ANK3: variants seen among roughly 807,000 people sequenced by gnomAD.
ANK3 encodes ankyrin-3.
A neutral mutation model predicts 370.9 loss-of-function variants in ANK3; 57 were observed. The observed-to-expected ratio is 0.15, with a 90% CI of 0.12 to 0.19. The LOEUF (loss-of-function observed/expected upper bound fraction) is 0.19, where lower values mean the gene tolerates loss of function less well. ANK3 is among the 10% of genes least tolerant of loss of function. ANK3 has a pLI of 1.00. For synonymous variants in ANK3, 1,929 were observed against 1,946.3 expected, an observed-to-expected ratio of 0.99 and a Z score of 0.23; for missense variants, 4,439 against 5,302.1, an observed-to-expected ratio of 0.84 and a Z score of 5.06.
intron 1 of ANK3, among the ~76,000 whole-genome samples, chr10:60,674,019 C>T (rs1269843048): frequency 6.6e-6 from 1 of 152,104 alleles, no homozygotes; most frequent in African/African-American, 2.4e-5. Flanking sequence ...TGGGCCAAAG[C>T]CTACTGGAGC....
At chr10:60,331,078 G>C (rs765845033) in intron 1 of ANK3, among the ~76,000 whole-genome samples, 2 of 151,896 alleles carry the variant, frequency 1.3e-5, no homozygotes, top group African/African-American at 4.8e-5. Flanking sequence ...GAGAAAACAC[G>C]GGCACAGGGA....
At chr10:60,288,658 G>C (rs567178125) in intron 1 of ANK3, among the ~76,000 whole-genome samples, 2 of 152,158 alleles carry the variant, frequency 1.3e-5, no homozygotes, top group Non-Finnish European at 2.9e-5. Context: ...GGGAGTAGGC[G>C]AAAAGGACAG....
intron 1 of ANK3, among the ~76,000 whole-genome samples, chr10:60,657,647 A>G (rs560255532): frequency 6.6e-6 from 1 of 152,248 alleles, no homozygotes; most frequent in African/African-American, 2.4e-5. Context: ...TATATGGTCT[A>G]TCTTGTGGAA....
chr10:60,731,869 C>A (rs2080027309), intron 1 of ANK3, among the ~76,000 whole-genome samples: 1 of 152,154 alleles, frequency 6.6e-6, no homozygotes, highest in Non-Finnish European at 1.5e-5. Flanking sequence ...GTGACCTCTT[C>A]CAAAATTAGA....
At chr10:60,412,595 C>T (rs1726451360) in intron 2 of ANK3, among the ~76,000 whole-genome samples, 1 of 152,144 alleles carries the variant, frequency 6.6e-6, no homozygotes, top group African/African-American at 2.4e-5. Flanking sequence ...TTCTGTTTCT[C>T]CAGAACACCC....
chr10:60,189,356 T>C (rs1313018003), intron 16 of ANK3, among the ~76,000 whole-genome samples: 1 of 151,920 alleles, frequency 6.6e-6, no homozygotes, highest in East Asian at 1.9e-4. Context: ...GAGAGACAGA[T>C]ACAGGGAGAG....
Position 60,074,163 on chromosome 10 carries a change from C to T in ANK3, c.6718G>A (p.Val2240Ile). Residue 2240 changes from valine to isoleucine, a missense_variant, in exon 37 of 44, where the codon GTT (valine) becomes ATT (isoleucine). Val to Ile is a conservative substitution (Grantham distance 29, BLOSUM62 3). Around this residue, in one of 13 missense-constraint regions of ANK3, gnomAD observed 1,601 missense variants for 1,731.7 expected, o/e 0.92. Transcript: ENST00000280772. ...HNRVLSKGMR[V>I]KEETHITTTT... ...GTGGTTATGTGAGTCTCTTCTTTAA[C>T]ACGCATGCCTTTGCTTAAAACCCGA... is the stretch of plus-strand genomic sequence containing the variant. The T allele has an allele frequency of 6.2e-7, 1 of 1,613,954 alleles. No homozygotes were observed.
chr10:60,497,827 T>C (rs2075698920), intron 2 of ANK3, among the ~76,000 whole-genome samples: 1 of 152,160 alleles, frequency 6.6e-6, no homozygotes, highest in African/African-American at 2.4e-5. Context: ...GAGATATAGA[T>C]GCACCATACA....
intron 1 of ANK3, among the ~76,000 whole-genome samples, chr10:60,639,125 A>G (rs1285202612): frequency 6.6e-6 from 1 of 152,030 alleles, no homozygotes; most frequent in Admixed American, 6.6e-5. Context: ...ATATGCTAAA[A>G]GCAGACAGAG....
chr10:60,070,644 C>T lies in ANK3; in HGVS notation c.10237G>A (p.Asp3413Asn), dbSNP rs2082510897. 1.9e-6 allele frequency: 3 copies of T among 1,614,052 alleles called. No individual in the cohort carries two copies. The highest frequency in any genetic ancestry group is 2.5e-6 in the Non-Finnish European group (3 of 1,180,008). ...TGCAGGTCATAGCCATCCAGAGAGT[C>T]GATCTCTGTGGCATCCGTGTCATGA... ...FSHDTDATEI[D>N]SLDGYDLQDE... Residue 3413 changes from aspartate to asparagine, a missense_variant, in exon 37 of 44, where the codon GAC becomes AAC. Coordinates refer to ENST00000280772, the MANE Select transcript of ANK3 (RefSeq NM_020987.5). This position sits in a 1 kb window ranked among gnomAD's most constrained non-coding sequence, Gnocchi z 5.7.
intron 2 of ANK3, among the ~76,000 whole-genome samples, chr10:60,450,138 A>G (rs2064558880): frequency 2.0e-5 from 3 of 152,058 alleles, no homozygotes; most frequent in Non-Finnish European, 4.4e-5. Context: ...ATCTACAAAA[A>G]ATAAAAAATT....
chr10:60,069,804 G>A lies in ANK3; in HGVS notation c.11077C>T (p.Gln3693Ter). Residue 3693 changes from glutamine (Q) to a stop codon, truncating the protein, a stop_gained, in exon 37 of 44, where the codon CAG becomes TAG. Transcript: ENST00000280772. LOFTEE classifies it high-confidence loss of function. The stretch of plus-strand genomic sequence containing the variant: ...GAGCCACTACTGGATGTGCCTTCCT[G>A]ACACTCTCCGCTGGTCGGGATGCTG... ...NPSIPTSGEC[Q>*]EGTSSSGSLE... is the part of the protein sequence containing the mutation. 6.2e-7 allele frequency: 1 copy of A among 1,614,116 alleles called. No individual in the cohort carries two copies. The highest frequency in any genetic ancestry group is 8.5e-7 in the Non-Finnish European group (1 of 1,180,014).
intron 7 of ANK3, among the ~76,000 whole-genome samples, chr10:60,240,133 CAT>C (rs10539145): frequency 1.8e-3 from 196 of 107,356 alleles, no homozygotes; most frequent in African/African-American, 6.2e-3. Flanking sequence ...CATATATATA[CAT>C]ATATATACAC....
At chr10:60,154,519 C>T (rs993931152) in intron 23 of ANK3, among the ~76,000 whole-genome samples, 8 of 152,132 alleles carry the variant, frequency 5.3e-5, no homozygotes, top group Non-Finnish European at 1.2e-4. Flanking sequence ...TTCCACCAGG[C>T]TTGGTGCCTC....
chr10:60,140,467 T>A (rs563588832), intron 23 of ANK3: 68 of 1,606,196 alleles, frequency 4.2e-5, no homozygotes, highest in Admixed American at 6.7e-5. Context: ...AGGAAACCAA[T>A]CCCTGGTTTG....
At chr10:60,716,409 T>G (rs558712229) in intron 1 of ANK3, among the ~76,000 whole-genome samples, 4 of 152,058 alleles carry the variant, frequency 2.6e-5, no homozygotes, top group Non-Finnish European at 5.9e-5. Context: ...TCAAAGACAG[T>G]AGGGACAATT....
intron 27 of ANK3, among the ~76,000 whole-genome samples, chr10:60,108,625 T>A (rs2092425661): frequency 1.3e-5 from 2 of 152,174 alleles, no homozygotes; most frequent in African/African-American, 4.8e-5. Flanking sequence ...GTAAAAGCCT[T>A]GACTAGCAAA....
intron 18 of ANK3, 67 bp downstream of exon 18, chr10:60,181,262 G>A (rs1310434443): frequency 1.7e-5 from 22 of 1,308,994 alleles, no homozygotes; most frequent in South Asian, 3.6e-5. Context: ...TACAATTATA[G>A]TTTCTTCCTT....
intron 2 of ANK3, among the ~76,000 whole-genome samples, chr10:60,521,275 G>A (rs936641599): frequency 5.3e-5 from 8 of 151,958 alleles, no homozygotes; most frequent in Non-Finnish European, 8.8e-5. Context: ...GAATTACATC[G>A]TATTGCAACT....
Sources: gnomAD v4.1 joint callset for allele counts (sites outside exome capture counted in the v4.1 genomes callset) on GRCh38, gnomAD v4.1.1 for gene constraint, gnomAD v4.1.1 regional missense constraint, Gnocchi (gnomAD v3.1) non-coding constraint, MANE v1.5 for transcripts, NCBI Gene and HGNC (gene_info 2026-07-23, HGNC 2026-07-21) for gene names.